Variants in EIF2B1 observed in about 807,000 individuals in gnomAD.
EIF2B1 encodes the protein eukaryotic translation initiation factor 2B subunit alpha.
A neutral mutation model predicts 36.8 loss-of-function variants in EIF2B1; 30 were observed. That is an observed-to-expected ratio of 0.81 (90% CI 0.61 to 1.10). The LOEUF (loss-of-function observed/expected upper bound fraction) is 1.10, where lower values mean the gene tolerates loss of function less well. Among genes scored for constraint, EIF2B1 ranks in the 50% least tolerant of loss-of-function variants. The probability of loss-of-function intolerance (pLI) is 0.00; values close to 1 mark genes in which losing one functional copy is unlikely to be tolerated. For missense variants in EIF2B1, 271 were observed against 374.8 expected (o/e 0.72, Z 2.29); for synonymous variants, 139 against 142.2 (o/e 0.98, Z 0.16).
Position 123,632,326 on chromosome 12 carries a change from C to T in EIF2B1, c.115+19G>A. 1.4e-6 allele frequency: 2 copies of T among 1,402,680 alleles called. No homozygotes were observed. The highest frequency in any genetic ancestry group is 1.2e-5 in the South Asian group (1 of 86,912). 86.9% of individuals were successfully genotyped at this position (1,402,680 alleles called of 1,614,324 possible). A position where few individuals can be genotyped will look rare whatever the true frequency, so the allele number is the denominator to read the frequency against. ...ACTATCCTAAGTCCCAGAGTGTTAA[C>T]AGATGACTCTCTATATACCTTTATC... is the stretch of plus-strand genomic sequence containing the variant. On this transcript the variant is annotated intron_variant, in intron 2 of 8. Transcript: ENST00000424014.
In EIF2B1 at chr12:123,630,198, G is replaced by C; in HGVS notation, c.340C>G (p.Leu114Val). Residue 114 changes from leucine (L) to valine (V), a missense_variant, in exon 4 of 9, where the codon CTG (leucine) becomes GTG (valine). Leu to Val is a conservative substitution (Grantham distance 32, BLOSUM62 1). Transcript: ENST00000424014. The surrounding 1 kb of genome is among the most constrained non-coding windows in gnomAD (Gnocchi z 4.6). ...CCATCTTTGATGAAAGTATGGCACAGATCTGCAATTTTGTTTCTTGACAGT... is the reference window on the plus strand; with the variant it reads ...CCATCTTTGATGAAAGTATGGCACACATCTGCAATTTTGTTTCTTGACAGT... ...ISLSRNKIAD[L>V]CHTFIKDGAT... 6.2e-7 allele frequency: 1 copy of C among 1,614,004 alleles called. No homozygotes were observed. The highest frequency in any genetic ancestry group is 8.5e-7 in the Non-Finnish European group (1 of 1,180,014).
intron 6 of EIF2B1, among the ~76,000 whole-genome samples, chr12:123,625,793 A>G (rs943281955): frequency 2.0e-5 from 3 of 152,158 alleles, no homozygotes; most frequent in Non-Finnish European, 4.4e-5. Context: ...AGCCCTGATT[A>G]CCCTCTGCTG....
Position 123,622,858 on chromosome 12 carries a change from C to G in EIF2B1, c.628-97G>C. The stretch of plus-strand genomic sequence containing the variant: ...GGGCACAGTGGTGCATGCCTGTATT[C>G]CAGCATTTTGGGAGGCCGAGGTGGG... On this transcript the variant is annotated intron_variant, in intron 7 of 8. Coordinates refer to ENST00000424014, the MANE Select transcript of EIF2B1 (RefSeq NM_001414.4). The G allele has an allele frequency of 3.8e-6, 6 of 1,583,714 alleles. No individual in the cohort carries two copies. In the South Asian group the frequency reaches 6.7e-5, roughly 18 times the overall value.
chr12:123,626,911 A>T, intron 5 of EIF2B1, 133 bp downstream of exon 5: 2 of 806,730 alleles, frequency 2.5e-6, no homozygotes, highest in Non-Finnish European at 4.3e-6. Context: ...AGGCAGGAAA[A>T]GGTACAATGA....
intron 7 of EIF2B1, among the ~76,000 whole-genome samples, chr12:123,624,025 A>T (rs1257408566): frequency 6.6e-6 from 1 of 151,084 alleles, no homozygotes; most frequent in Non-Finnish European, 1.5e-5. Context: ...CAACAGAGTG[A>T]ATGTGTCTCT....
intron 1 of EIF2B1, among the ~76,000 whole-genome samples, chr12:123,632,771 C>G (rs1353397570): frequency 6.6e-6 from 1 of 151,650 alleles, no homozygotes; most frequent in Non-Finnish European, 1.5e-5. Flanking sequence ...ACGGTGAAAC[C>G]CCGTCTCTAC....
chr12:123,626,388 G>T lies in EIF2B1; in HGVS notation c.551+37C>A, dbSNP rs753190147. 7.4e-6 allele frequency: 12 copies of T among 1,612,886 alleles called. No individual in the cohort carries two copies. The East Asian group carries it at 2.7e-4, about 36-fold the overall frequency. On this transcript the variant is annotated intron_variant, in intron 6 of 8. Transcript: ENST00000424014. ...ACTTGCTGTAAGCCAGCATGGGGTG[G>T]GGGAGGTGATTATGGCTGGGGAAGA...
intron 7 of EIF2B1, among the ~76,000 whole-genome samples, chr12:123,624,389 G>GCTGGAACTACAGGCAAGC (rs1212254330): frequency 4.6e-5 from 7 of 151,608 alleles, no homozygotes; most frequent in African/African-American, 1.7e-4. Flanking sequence ...TTCCTGGGCA[G>GCTGGAACTACAGGCAAGC]CTGGAACTAC....
intron 4 of EIF2B1, 38 bp from the exon 5 acceptor site, chr12:123,627,194 C>A (rs766184154): frequency 6.5e-7 from 1 of 1,545,466 alleles, no homozygotes; most frequent in South Asian, 1.1e-5. Flanking sequence ...GGGCAGGCTC[C>A]TTGCTGCTCA....
chr12:123,632,399 C>G lies in EIF2B1; in HGVS notation c.61G>C (p.Ala21Pro). Residue 21 changes from alanine to proline, a missense_variant, in exon 2 of 9, where the codon GCC (alanine) becomes CCC (proline). Physicochemically the swap from Ala to Pro is conservative, Grantham distance 27. Transcript: ENST00000424014. The stretch of plus-strand genomic sequence containing the variant: ...GTCCGGATGGCAGCCACTGCTGAGG[C>G]CATGTCAGGATCTTCTTTCATCTGA... ...KSQMKEDPDM[A>P]SAVAAIRTLL... 6.2e-7 allele frequency: 1 copy of G among 1,613,902 alleles called. No homozygotes were observed. The highest frequency in any genetic ancestry group is 1.1e-5 in the South Asian group (1 of 91,082).
At chr12:123,633,491 G>A in intron 1 of EIF2B1, 54 bp downstream of exon 1, 4 of 1,613,102 alleles carry the variant, frequency 2.5e-6, no homozygotes, top group South Asian at 1.1e-5. Flanking sequence ...GAGGTTGGGG[G>A]GACCCCTGAA....
Position 123,630,324 on chromosome 12 carries a change from C to T in EIF2B1, c.253-39G>A. ...AGCAAACTGAGGGGACAGGGAAGAT[C>T]CAGTTAATGCTGAGAATGTCTGTCA... On this transcript the variant is annotated intron_variant, in intron 3 of 8. Coordinates refer to ENST00000424014, the MANE Select transcript of EIF2B1 (RefSeq NM_001414.4). The surrounding 1 kb of genome is among the most constrained non-coding windows in gnomAD (Gnocchi z 4.6). 6.2e-7 allele frequency: 1 copy of T among 1,613,978 alleles called. No individual in the cohort carries two copies. Among genetic ancestry groups the T allele is most frequent in the Non-Finnish European group, 8.5e-7 (1 of 1,179,912 alleles).
intron 2 of EIF2B1, among the ~76,000 whole-genome samples, chr12:123,631,198 C>T (rs1955184104): frequency 6.6e-6 from 1 of 152,172 alleles, no homozygotes; most frequent in East Asian, 1.9e-4. Flanking sequence ...CACAATATAA[C>T]ATAGTCACTC....
In EIF2B1 at chr12:123,620,617, T is replaced by A. The variant is rs866140766; in HGVS notation, c.*1139A>T. On this transcript the variant is annotated 3_prime_UTR_variant, in exon 9 of 9. Transcript: ENST00000424014. The stretch of plus-strand genomic sequence containing the variant: ...ATATATATATATATATATATATATA[T>A]ATATATATATAAGCTCTTTTTTCTG... The A allele has an allele frequency of 3.6e-3, 438 of 122,810 alleles. 10 individuals are homozygous for A. The highest frequency in any genetic ancestry group is 0.015 in the African/African-American group (425 of 29,154). The allele number at this position is 122,810 out of a possible 1,614,324, so 7.6% of individuals were successfully genotyped here.
At chr12:123,632,535 C>T in intron 1 of EIF2B1, 89 bp from the exon 2 acceptor site, 2 of 901,356 alleles carry the variant, frequency 2.2e-6, no homozygotes, top group South Asian at 2.6e-5. Context: ...CTTTAAGAAG[C>T]AAACAATTTA....
In EIF2B1 at chr12:123,626,040, G is replaced by A. The variant is rs984430232; in HGVS notation, c.551+385C>T. The stretch of plus-strand genomic sequence containing the variant: ...CCCAGCTACTTAGGAGGCTGAGGCA[G>A]GAGAATCGCTTGAACCTGGGAGGTG... On this transcript the variant is annotated intron_variant, in intron 6 of 8. Coordinates refer to ENST00000424014, the MANE Select transcript of EIF2B1 (RefSeq NM_001414.4). The A allele has an allele frequency of 1.3e-4, 31 of 241,288 alleles. 1 individual carries two copies. In the South Asian group the frequency reaches 1.5e-3, roughly 11 times the overall value. 14.9% of individuals were successfully genotyped at this position (241,288 alleles called of 1,614,324 possible). A position where few individuals can be genotyped will look rare whatever the true frequency, so the allele number is the denominator to read the frequency against.
intron 7 of EIF2B1, among the ~76,000 whole-genome samples, chr12:123,624,090 A>G (rs1444088907): frequency 6.7e-6 from 1 of 148,732 alleles, no homozygotes; most frequent in Non-Finnish European, 1.5e-5. Context: ...ATACATACAT[A>G]CTTTATATGT....
chr12:123,633,486 T>TG (rs970220992), intron 1 of EIF2B1, 59 bp downstream of exon 1: 17 of 1,612,808 alleles, frequency 1.1e-5, no homozygotes, highest in Non-Finnish European at 1.3e-5. Context: ...TGTGAGAGGT[T>TG]GGGGGGACCC....
chr12:123,632,782 T>C (rs1955207809), intron 1 of EIF2B1, among the ~76,000 whole-genome samples: 1 of 151,524 alleles, frequency 6.6e-6, no homozygotes, highest in Admixed American at 6.6e-5. Context: ...CCGTCTCTAC[T>C]AAAAATACAA....
Sources: allele counts gnomAD v4.1 joint callset (sites outside exome capture counted in the v4.1 genomes callset), GRCh38; gene constraint gnomAD v4.1.1; non-coding constraint Gnocchi (gnomAD v3.1); transcripts MANE v1.5; gene names NCBI Gene and HGNC (gene_info 2026-07-23, HGNC 2026-07-21).